EFL1: variants seen among roughly 807,000 people sequenced by gnomAD.
The protein encoded by EFL1 is elongation factor-like GTPase 1.
A neutral mutation model predicts 126.7 loss-of-function variants in EFL1; 76 were observed. That is an observed-to-expected ratio of 0.60 (90% CI 0.50 to 0.73). The LOEUF is 0.73. Ranked by LOEUF, EFL1 falls within the 30% of genes least tolerant of loss-of-function variation. The pLI is 0.00. For missense variants in EFL1, 1,128 were observed against 1,343.2 expected (o/e 0.84, Z 2.50); for synonymous variants, 410 against 448.4 (o/e 0.91, Z 1.08).
rs748908579 is a variant in EFL1, at chr15:82,214,846, C to T, written c.1621G>A (p.Gly541Ser). The T allele has an allele frequency of 1.9e-6, 3 of 1,588,990 alleles. No homozygotes were observed. In the East Asian group the frequency reaches 6.7e-5, roughly 36 times the overall value. ...PLEFLRRVPL[G>S]FSAPPDGLPQ... Reference sequence around the variant, plus strand: ...AGGCCATCTGGTGGAGCTGAGAAGCCTAATGGTACCTGGGCAAAGAAAAAT... The same window carrying T: ...AGGCCATCTGGTGGAGCTGAGAAGCTTAATGGTACCTGGGCAAAGAAAAAT... Residue 541 changes from glycine to serine, a missense_variant, in exon 15 of 20, where the codon GGC becomes AGC. Coordinates refer to ENST00000268206, the MANE Select transcript of EFL1 (RefSeq NM_024580.6).
chr15:82,148,115 T>TA (rs2073868010), intron 18 of EFL1, among the ~76,000 whole-genome samples: 2 of 151,938 alleles, frequency 1.3e-5, no homozygotes, highest in Admixed American at 1.3e-4. Flanking sequence ...AGGGTGGGAT[T>TA]ACGCCTGTAA....
chr15:82,246,720 C>T (rs1396655129), intron 4 of EFL1, among the ~76,000 whole-genome samples: 2 of 152,006 alleles, frequency 1.3e-5, no homozygotes, highest in African/African-American at 2.4e-5. Flanking sequence ...GCAAAAAATG[C>T]CCATACCATT....
intron 17 of EFL1, 142 bp downstream of exon 17, chr15:82,157,571 A>ATAAC (rs1258185316): frequency 1.0e-6 from 1 of 979,072 alleles, no homozygotes; most frequent in African/African-American, 1.6e-5. Flanking sequence ...CTACAATCGA[A>ATAAC]TAACTGTTCA....
At chr15:82,181,852 T>G (rs147336103) in intron 15 of EFL1, among the ~76,000 whole-genome samples, 177 of 152,318 alleles carry the variant, frequency 1.2e-3, no homozygotes, top group African/African-American at 3.9e-3. Context: ...TCTTGAAAGC[T>G]GGCTATCACA....
At position 82,228,322 on chromosome 15, in the gene EFL1, T is replaced by C; in HGVS notation, c.938A>G (p.Lys313Arg). The C allele has an allele frequency of 6.2e-7, 1 of 1,613,540 alleles. No homozygotes were observed. Among genetic ancestry groups the C allele is most frequent in the East Asian group, 2.2e-5 (1 of 44,872 alleles). ...AGTCACTATTTTATCAATTTTGTCT[T>C]TGTCCCTGTGGTAAACACAAGATTG... The part of the protein sequence containing the change: ...SLYDAVLKKD[K>R]DKIDKIVTSL... The change falls in exon 10 of 20, where the codon AAA becomes AGA. Residue 313 changes from lysine to arginine, a missense_variant. Physicochemically the swap from Lys to Arg is conservative, Grantham distance 26. This residue lies in a region of EFL1 where 316 missense variants were observed against 318.5 expected (regional missense o/e 0.99). Coordinates refer to ENST00000268206, the MANE Select transcript of EFL1 (RefSeq NM_024580.6).
intron 15 of EFL1, among the ~76,000 whole-genome samples, chr15:82,190,124 A>T (rs1282922386): frequency 1.3e-5 from 2 of 151,834 alleles, no homozygotes; most frequent in African/African-American, 2.4e-5. Flanking sequence ...AAAAAAAAAA[A>T]AAAAATTCAT....
At chr15:82,256,426 T>G (rs2075067059) in intron 3 of EFL1, among the ~76,000 whole-genome samples, 1 of 152,262 alleles carries the variant, frequency 6.6e-6, no homozygotes, top group Non-Finnish European at 1.5e-5. Context: ...TCTACATTTT[T>G]GTTTTCTTCC....
chr15:82,207,254 T>C (rs1447396102), intron 15 of EFL1, among the ~76,000 whole-genome samples: 1 of 149,330 alleles, frequency 6.7e-6, no homozygotes, highest in Non-Finnish European at 1.5e-5. Context: ...AACCCTAATC[T>C]CAAGGTAACA....
chr15:82,134,202 T>C (rs2073694754), intron 19 of EFL1, among the ~76,000 whole-genome samples: 1 of 152,068 alleles, frequency 6.6e-6, no homozygotes, highest in Non-Finnish European at 1.5e-5. Flanking sequence ...CCCAACAAAC[T>C]CTGAGAACAG....
chr15:82,169,076 G>C (rs1225131448), intron 15 of EFL1, among the ~76,000 whole-genome samples: 1 of 152,080 alleles, frequency 6.6e-6, no homozygotes, highest in Non-Finnish European at 1.5e-5. Flanking sequence ...ATTAAGAACA[G>C]ACTGACCCAA....
intron 15 of EFL1, among the ~76,000 whole-genome samples, chr15:82,177,418 C>G (rs1178834787): frequency 6.6e-6 from 1 of 152,172 alleles, no homozygotes; most frequent in East Asian, 1.9e-4. Context: ...CCTCTAATGA[C>G]TAATAAAATG....
At chr15:82,258,170 G>A (rs970464000) in intron 3 of EFL1, among the ~76,000 whole-genome samples, 5 of 152,224 alleles carry the variant, frequency 3.3e-5, no homozygotes, top group Non-Finnish European at 7.4e-5. Context: ...TTATGGAAAC[G>A]AATATATCTT....
At chr15:82,251,891 T>C (rs1034969688) in intron 4 of EFL1, among the ~76,000 whole-genome samples, 3 of 152,340 alleles carry the variant, frequency 2.0e-5, no homozygotes, top group Admixed American at 6.5e-5. Flanking sequence ...AAAATAAATA[T>C]TTTGAAAAGT....
chr15:82,241,273 T>C lies in EFL1; in HGVS notation c.375A>G (p.Pro125=), dbSNP rs764119866. The C allele has an allele frequency of 6.2e-7, 1 of 1,613,896 alleles. No homozygotes were observed. The highest frequency in any genetic ancestry group is 1.1e-5 in the South Asian group (1 of 91,074). ...TTTTCTCATCACAATCCATTACCTG[T>C]GGACAGACTCCTTCCACAGCATCTA... is the stretch of plus-strand genomic sequence containing the variant. ...IVVDAVEGVC[P]QTQAVLRQAW... The change falls in exon 5 of 20, where the codon CCA becomes CCG. Residue 125 remains proline (P), a synonymous_variant. Coordinates refer to ENST00000268206, the MANE Select transcript of EFL1 (RefSeq NM_024580.6).
intron 3 of EFL1, among the ~76,000 whole-genome samples, chr15:82,257,168 T>C (rs2075073896): frequency 6.6e-6 from 1 of 152,214 alleles, no homozygotes; most frequent in Non-Finnish European, 1.5e-5. Context: ...AAGTTTCCTA[T>C]TTCTTCTTGA....
At chr15:82,238,093 T>C (rs975626860) in intron 7 of EFL1, among the ~76,000 whole-genome samples, 3 of 152,180 alleles carry the variant, frequency 2.0e-5, no homozygotes, top group African/African-American at 7.2e-5. Flanking sequence ...TGACGGCAAA[T>C]GGCAAAGTCC....
rs373456008 is a variant in EFL1, at chr15:82,145,983, A to T, written c.2989+5482T>A. 7.2e-5 allele frequency among the ~76,000 whole-genome samples: 11 copies of T among 152,242 alleles called. No homozygotes were observed. The East Asian group carries it at 1.2e-3, about 16-fold the overall frequency. Reference sequence around the variant, plus strand: ...AAGATTAACAGATTAGAAGGAAAAAATACAAAAAGAATTCAATGACAAGCA... The same window carrying T: ...AAGATTAACAGATTAGAAGGAAAAATTACAAAAAGAATTCAATGACAAGCA... On this transcript the variant is annotated intron_variant, in intron 18 of 19. Transcript: ENST00000268206.
At chr15:82,178,168 G>A (rs1205387214) in intron 15 of EFL1, among the ~76,000 whole-genome samples, 4 of 152,194 alleles carry the variant, frequency 2.6e-5, no homozygotes, top group African/African-American at 7.2e-5. Flanking sequence ...AAGCTAACAT[G>A]CTGACAGAGC....
intron 15 of EFL1, 120 bp from the exon 16 acceptor site, chr15:82,164,104 C>T (rs1595953075): frequency 7.8e-7 from 1 of 1,282,652 alleles, no homozygotes; most frequent in Non-Finnish European, 1.1e-6. Context: ...CAAAATGTTG[C>T]AAGAAATGAG....
Sources: allele counts gnomAD v4.1 joint callset (sites outside exome capture counted in the v4.1 genomes callset), GRCh38; gene constraint gnomAD v4.1.1; regional missense constraint gnomAD v4.1.1; transcripts MANE v1.5; gene names NCBI Gene and HGNC (gene_info 2026-07-23, HGNC 2026-07-21).